The following API5 variants were observed in gnomAD, a reference collection of about 807,000 sequenced individuals.
The protein encoded by API5 is FIF.
API5 carries 6 observed loss-of-function variants against 71.9 expected under a neutral mutation model. That is an observed-to-expected ratio of 0.08 (90% CI 0.05 to 0.16). API5 has a LOEUF of 0.16. Ranked by LOEUF, API5 falls within the 10% of genes least tolerant of loss-of-function variation. API5 has a pLI of 1.00. For synonymous variants in API5, 189 were observed against 221.3 expected, an observed-to-expected ratio of 0.85 and a Z score of 1.30; for missense variants, 332 against 612.8, an observed-to-expected ratio of 0.54 and a Z score of 4.84.
At chr11:43,312,978 GC>G (rs1429695392) in intron 1 of API5, among the ~76,000 whole-genome samples, 1 of 151,884 alleles carries the variant, frequency 6.6e-6, no homozygotes, top group Non-Finnish European at 1.5e-5. Flanking sequence ...GTGGTGACAC[GC>G]GCTTGTAATC....
At chr11:43,341,840 G>A (rs1181971786) in intron 13 of API5, among the ~76,000 whole-genome samples, 3 of 152,114 alleles carry the variant, frequency 2.0e-5, no homozygotes, top group South Asian at 2.1e-4. Context: ...ATTATTATTC[G>A]TGAATTTGAA....
At chr11:43,334,243 CACA>C (rs1394528381) in intron 11 of API5, among the ~76,000 whole-genome samples, 1 of 152,134 alleles carries the variant, frequency 6.6e-6, no homozygotes, top group East Asian at 1.9e-4. Flanking sequence ...CATCTAATTT[CACA>C]ACTTCATTTT....
intron 6 of API5, among the ~76,000 whole-genome samples, chr11:43,324,165 G>T (rs1854991621): frequency 6.6e-6 from 1 of 152,118 alleles, no homozygotes; most frequent in Non-Finnish European, 1.5e-5. Flanking sequence ...CTACAGTCAT[G>T]CACTATCACA....
chr11:43,323,862 G>A (rs555920220), intron 6 of API5, among the ~76,000 whole-genome samples: 6 of 152,206 alleles, frequency 3.9e-5, no homozygotes, highest in South Asian at 2.1e-4. Flanking sequence ...TCCTTTGAGC[G>A]TGATGTTTGA....
At chr11:43,337,901 G>T (rs1387989035) in intron 13 of API5, among the ~76,000 whole-genome samples, 1 of 152,150 alleles carries the variant, frequency 6.6e-6, no homozygotes. Flanking sequence ...AGAATCAGGT[G>T]ATATAATGCA....
At chr11:43,336,479 G>T (rs1646838361) in intron 13 of API5, among the ~76,000 whole-genome samples, 1 of 152,174 alleles carries the variant, frequency 6.6e-6, no homozygotes, top group Non-Finnish European at 1.5e-5. Context: ...GCATCATCTA[G>T]CAAGGAAGAT....
chr11:43,318,880 A>C, intron 2 of API5, 79 bp downstream of exon 2: 1 of 1,397,552 alleles, frequency 7.2e-7, no homozygotes, highest in Non-Finnish European at 9.9e-7. Context: ...TAGCAATCTG[A>C]TATATCAGAG....
rs747270288 is a variant in API5, at chr11:43,323,515, G to T, written c.629G>T (p.Arg210Ile). The T allele has an allele frequency of 1.2e-6, 2 of 1,614,180 alleles. No individual in the cohort carries two copies. Among genetic ancestry groups the T allele is most frequent in the Non-Finnish European group, 1.7e-6 (2 of 1,180,022 alleles). ...AAAAGCTTACAGACAGTGAGTGGAAGACAGCAACTTGTAGAGTTGGTGGCT... is the reference window on the plus strand; with the variant it reads ...AAAAGCTTACAGACAGTGAGTGGAATACAGCAACTTGTAGAGTTGGTGGCT... ...GLKSLQTVSG[R>I]QQLVELVAEQ... Residue 210 changes from arginine to isoleucine, a missense_variant, in exon 6 of 14, where the codon AGA becomes ATA. Physicochemically the swap from Arg to Ile is moderately conservative, Grantham distance 97 (BLOSUM62 -3). Transcript: ENST00000531273.
At chr11:43,339,667 T>C (rs1401217373) in intron 13 of API5, among the ~76,000 whole-genome samples, 3 of 152,130 alleles carry the variant, frequency 2.0e-5, no homozygotes, top group Non-Finnish European at 2.9e-5. Context: ...ATAGCACCTA[T>C]TTGGCAGTAT....
chr11:43,325,285 G>A (rs879416306), intron 6 of API5, among the ~76,000 whole-genome samples: 1 of 152,096 alleles, frequency 6.6e-6, no homozygotes, highest in Admixed American at 6.6e-5. Context: ...AACAAATATC[G>A]AATTTATGGT....
intron 5 of API5, among the ~76,000 whole-genome samples, chr11:43,323,071 A>G (rs900159654): frequency 6.6e-6 from 1 of 152,104 alleles, no homozygotes; most frequent in Non-Finnish European, 1.5e-5. Flanking sequence ...ACCATTTTTT[A>G]AAGTCACTCC....
chr11:43,343,596 GCT>G lies in API5; in HGVS notation c.*1092_*1093del, dbSNP rs1382293466. 6.6e-6 allele frequency: 1 copy of G among 152,544 alleles called. No homozygotes were observed. The highest frequency in any genetic ancestry group is 1.5e-5 in the Non-Finnish European group (1 of 68,020). The allele number at this position is 152,544 out of a possible 1,614,324, so 9.4% of individuals were successfully genotyped here. ...AACATGGTACCAATAAGTAAGGGAT[GCT>G]CTCTCGGTTTGCTTTTGCCACTTTC... On this transcript the variant is annotated 3_prime_UTR_variant, in exon 14 of 14. Coordinates refer to ENST00000531273, the MANE Select transcript of API5 (RefSeq NM_001142930.2).
intron 6 of API5, 24 bp downstream of exon 6, chr11:43,323,660 C>A: frequency 6.3e-7 from 1 of 1,592,928 alleles, no homozygotes; most frequent in Non-Finnish European, 8.6e-7. Flanking sequence ...TTTTACACAC[C>A]CGGTATTAGC....
At chr11:43,320,692 C>G in intron 2 of API5, 129 bp from the exon 3 acceptor site, 1 of 753,486 alleles carries the variant, frequency 1.3e-6, no homozygotes, top group Non-Finnish European at 2.2e-6. Flanking sequence ...GGTTGCACCA[C>G]TGCACTCCAA....
intron 4 of API5, 74 bp from the exon 5 acceptor site, chr11:43,321,911 T>G: frequency 7.2e-7 from 1 of 1,388,638 alleles, no homozygotes; most frequent in Non-Finnish European, 9.8e-7. Context: ...AGAAATACTA[T>G]AAATTGAGTT....
chr11:43,322,472 A>G (rs1336470268), intron 5 of API5, among the ~76,000 whole-genome samples: 2 of 152,112 alleles, frequency 1.3e-5, no homozygotes, highest in Non-Finnish European at 2.9e-5. Context: ...ACTCTCTCAT[A>G]GTATTCTAAA....
intron 6 of API5, among the ~76,000 whole-genome samples, 187 bp from the exon 7 acceptor site, chr11:43,326,320 T>G (rs749057340): frequency 1.3e-5 from 2 of 152,154 alleles, no homozygotes; most frequent in East Asian, 3.8e-4. Context: ...TCCATGAACT[T>G]ATTGAAGCCC....
chr11:43,312,899 G>C (rs1351047665), intron 1 of API5, among the ~76,000 whole-genome samples: 1 of 152,080 alleles, frequency 6.6e-6, no homozygotes, highest in Non-Finnish European at 1.5e-5. Context: ...ACGAGGTCAG[G>C]AGTTCGAGAC....
chr11:43,332,675 A>G (rs1052180886), intron 11 of API5, among the ~76,000 whole-genome samples: 1 of 151,538 alleles, frequency 6.6e-6, no homozygotes, highest in Non-Finnish European at 1.5e-5. Flanking sequence ...GGAACACCCA[A>G]CCCCCCTCAC....
Sources: gnomAD v4.1 joint callset for allele counts (sites outside exome capture counted in the v4.1 genomes callset) on GRCh38, gnomAD v4.1.1 for gene constraint, MANE v1.5 for transcripts, NCBI Gene and HGNC (gene_info 2026-07-23, HGNC 2026-07-21) for gene names.